TCF7L2: variants seen among roughly 807,000 people sequenced by gnomAD.
The protein encoded by TCF7L2 is transcription factor 7-like 2.
TCF7L2 carries 23 observed loss-of-function variants against 77.9 expected under a neutral mutation model. The ratio of observed to expected loss-of-function variants is 0.30; its 90% CI spans 0.21 to 0.42. The LOEUF (loss-of-function observed/expected upper bound fraction) is 0.42, where lower values mean the gene tolerates loss of function less well. Among genes scored for constraint, TCF7L2 ranks in the 10% least tolerant of loss-of-function variants. The pLI is 1.00. For missense variants in TCF7L2, 654 were observed against 793.1 expected, an observed-to-expected ratio of 0.82 and a Z score of 2.11; for synonymous variants, 413 against 340.2, an observed-to-expected ratio of 1.21 and a Z score of -2.36.
chr10:112,959,730 TA>T (rs982172584), intron 3 of TCF7L2, among the ~76,000 whole-genome samples: 1 of 152,178 alleles, frequency 6.6e-6, no homozygotes, highest in Non-Finnish European at 1.5e-5. Flanking sequence ...GTCAAAAGTT[TA>T]TTTCCCATTA....
chr10:113,098,944 T>G (rs2061345496), intron 5 of TCF7L2, among the ~76,000 whole-genome samples: 1 of 152,198 alleles, frequency 6.6e-6, no homozygotes, highest in African/African-American at 2.4e-5. Context: ...CTTGATTCAC[T>G]TCATCCATTC....
intron 5 of TCF7L2, among the ~76,000 whole-genome samples, chr10:113,090,638 T>G (rs2135650716): frequency 6.6e-6 from 1 of 152,294 alleles, no homozygotes; most frequent in South Asian, 2.1e-4. Context: ...TGAGATAGAG[T>G]CTCGCTCTGT....
chr10:113,128,166 T>C (rs1213594140), intron 5 of TCF7L2, among the ~76,000 whole-genome samples: 1 of 152,086 alleles, frequency 6.6e-6, no homozygotes, highest in South Asian at 2.1e-4. Context: ...GTTACCACCA[T>C]GTAAAGGGAA....
chr10:112,975,777 C>T (rs564871043), intron 4 of TCF7L2, among the ~76,000 whole-genome samples: 18 of 152,304 alleles, frequency 1.2e-4, no homozygotes, highest in South Asian at 2.1e-4. Flanking sequence ...CCGCCATGGT[C>T]GGCCTGTAGG....
chr10:112,975,306 G>C (rs58233689), intron 4 of TCF7L2, among the ~76,000 whole-genome samples: 13,261 of 152,014 alleles, frequency 0.087, 699 homozygotes, highest in African/African-American at 0.15. Flanking sequence ...CCAGATTGAG[G>C]CTCGGTCTGG....
chr10:112,966,439 G>A (rs531382482), intron 4 of TCF7L2, among the ~76,000 whole-genome samples: 1 of 151,924 alleles, frequency 6.6e-6, no homozygotes, highest in Non-Finnish European at 1.5e-5. Context: ...AAGTGCTTTA[G>A]GTGCGGGACT....
chr10:113,100,927 T>G (rs909286146), intron 5 of TCF7L2, among the ~76,000 whole-genome samples: 1 of 151,970 alleles, frequency 6.6e-6, no homozygotes, highest in African/African-American at 2.4e-5. Context: ...AATATAAAAT[T>G]AGGCAGGCGT....
chr10:112,991,451 T>C (rs1225424256), intron 4 of TCF7L2, among the ~76,000 whole-genome samples: 1 of 149,094 alleles, frequency 6.7e-6, no homozygotes, highest in Admixed American at 6.7e-5. Context: ...GAGCTTGCAG[T>C]GAGCCGAGAT....
intron 4 of TCF7L2, among the ~76,000 whole-genome samples, chr10:112,966,210 A>ATATATATATATT (rs1554877072): frequency 9.2e-6 from 1 of 108,616 alleles, no homozygotes; most frequent in East Asian, 2.2e-4. Context: ...ATATATATAT[A>ATATATATATATT]TTTTCTTTTC....
rs184650764 is a variant in TCF7L2, at chr10:112,991,526, A to G, written c.450+26902A>G. 2.5e-3 allele frequency among the ~76,000 whole-genome samples: 372 copies of G among 147,032 alleles called. 1 individual carries two copies. Among genetic ancestry groups the G allele is most frequent in the African/African-American group, 9.4e-3 (346 of 36,976 alleles). On this transcript the variant is annotated intron_variant, in intron 4 of 13. Coordinates refer to ENST00000627217, the MANE Select transcript of TCF7L2 (RefSeq NM_001146274.2). ...CCATCTCAAAAAAAAAAAGAAAGAA[A>G]AAAAAAGAAAGTGGGGAACCCCTCC...
intron 5 of TCF7L2, among the ~76,000 whole-genome samples, chr10:113,059,213 C>T (rs2055976671): frequency 6.6e-6 from 1 of 151,874 alleles, no homozygotes; most frequent in Non-Finnish European, 1.5e-5. Context: ...TAAATGTTTT[C>T]GGAGTGCCAG....
At chr10:112,988,870 T>C (rs1564750198) in intron 4 of TCF7L2, among the ~76,000 whole-genome samples, 1 of 152,222 alleles carries the variant, frequency 6.6e-6, no homozygotes, top group Non-Finnish European at 1.5e-5. Context: ...CATTATATAT[T>C]GCAACATAAC....
At chr10:112,992,768 CTT>C (rs1439965136) in intron 4 of TCF7L2, among the ~76,000 whole-genome samples, 5 of 145,144 alleles carry the variant, frequency 3.4e-5, no homozygotes, top group Non-Finnish European at 1.5e-5. Flanking sequence ...ATTTTTCTTT[CTT>C]TTTTTTTTTT....
intron 4 of TCF7L2, among the ~76,000 whole-genome samples, chr10:112,985,131 T>A (rs556309272): frequency 6.6e-6 from 1 of 152,314 alleles, no homozygotes; most frequent in African/African-American, 2.4e-5. Context: ...GTGATTACTT[T>A]ATTGGAAAGG....
intron 5 of TCF7L2, among the ~76,000 whole-genome samples, chr10:113,135,137 C>CT (rs1398705999): frequency 6.6e-6 from 1 of 152,190 alleles, no homozygotes; most frequent in African/African-American, 2.4e-5. Flanking sequence ...TTAGAAGTGC[C>CT]TTAATCAGTC....
chr10:112,953,721 G>T (rs1466935872), intron 3 of TCF7L2, among the ~76,000 whole-genome samples: 1 of 152,206 alleles, frequency 6.6e-6, no homozygotes, highest in East Asian at 1.9e-4. Flanking sequence ...AATTGCTAAA[G>T]GCAAATAAAT....
intron 5 of TCF7L2, among the ~76,000 whole-genome samples, chr10:113,045,660 G>T (rs2053310940): frequency 6.6e-6 from 1 of 152,182 alleles, no homozygotes; most frequent in Non-Finnish European, 1.5e-5. Context: ...GGGAGGGCCA[G>T]CGTATTTTCT....
At chr10:113,050,368 C>A (rs1407959747) in intron 5 of TCF7L2, among the ~76,000 whole-genome samples, 2 of 152,038 alleles carry the variant, frequency 1.3e-5, no homozygotes, top group East Asian at 3.9e-4. Flanking sequence ...ACTGAGCCAT[C>A]CCATTGTCCC....
At chr10:113,045,454 A>G (rs1221787255) in intron 5 of TCF7L2, among the ~76,000 whole-genome samples, 1 of 152,162 alleles carries the variant, frequency 6.6e-6, no homozygotes, top group East Asian at 1.9e-4. Flanking sequence ...CTTAGAGCAC[A>G]ATGTGTGTGG....
Sources: gnomAD v4.1 joint callset for allele counts (sites outside exome capture counted in the v4.1 genomes callset) on GRCh38, gnomAD v4.1.1 for gene constraint, MANE v1.5 for transcripts, NCBI Gene and HGNC (gene_info 2026-07-23, HGNC 2026-07-21) for gene names.